Variants in SLC5A10 observed in about 807,000 individuals in gnomAD.
SLC5A10 encodes sodium/mannose cotransporter SLC5A10.
In SLC5A10, 55 loss-of-function variants were observed where a neutral mutation model predicts 68.9. The ratio of observed to expected loss-of-function variants is 0.80; its 90% confidence interval spans 0.64 to 1.00. SLC5A10 has a LOEUF of 1.00. Among genes scored for constraint, SLC5A10 ranks in the 50% least tolerant of loss-of-function variants. The pLI is 0.00. For synonymous variants in SLC5A10, 344 were observed against 344.8 expected (o/e 1.00, Z 0.02); for missense variants, 732 against 819.3 (o/e 0.89, Z 1.30).
At chr17:18,965,488 C>T (rs1292443315) in intron 5 of SLC5A10, among the ~76,000 whole-genome samples, 2 of 152,232 alleles carry the variant, frequency 1.3e-5, no homozygotes, top group African/African-American at 2.4e-5. Context: ...GGGCCCAGGC[C>T]GGGCAGCCAG....
In SLC5A10 at chr17:19,003,388, C is replaced by T; in HGVS notation, c.983-10022C>T. On this transcript the variant is annotated intron_variant, in intron 9 of 14. Transcript: ENST00000395645. The surrounding 1 kb of genome is among the most constrained non-coding windows in gnomAD (Gnocchi z 4.5). ...GGGGAGGAAACCTCCACCCAAGAGG[C>T]AGCCAGGGAAAACAGCAGAGATCCC... The T allele has an allele frequency of 1.0e-6, 1 of 997,424 alleles. No individual in the cohort carries two copies. Among genetic ancestry groups the T allele is most frequent in the Non-Finnish European group, 1.3e-6 (1 of 742,262 alleles). The allele number at this position is 997,424 out of a possible 1,614,324, so 61.8% of individuals were successfully genotyped here.
Position 18,977,004 on chromosome 17 carries a change from G to A in SLC5A10, c.982+15G>A, listed in dbSNP as rs374026119. On this transcript the variant is annotated intron_variant, in intron 9 of 14. Transcript: ENST00000395645. ...ATTGTTCCCAGGTAGGACGGGCTCC[G>A]GGCACTGAACCCAGGCTGCAGGGCA... is the stretch of plus-strand genomic sequence containing the variant. The A allele has an allele frequency of 8.3e-5, 134 of 1,610,312 alleles. 1 individual carries two copies. Among genetic ancestry groups the A allele is most frequent in the Admixed American group, 3.2e-4 (19 of 59,992 alleles).
At chr17:19,012,625 C>T (rs1011423646) in intron 9 of SLC5A10, among the ~76,000 whole-genome samples, 1 of 152,114 alleles carries the variant, frequency 6.6e-6, no homozygotes, top group East Asian at 1.9e-4. Context: ...AGTCCTCAGG[C>T]GAGGCCTGGG....
intron 9 of SLC5A10, among the ~76,000 whole-genome samples, chr17:18,985,654 G>C (rs1444833986): frequency 6.6e-6 from 1 of 152,222 alleles, no homozygotes; most frequent in Non-Finnish European, 1.5e-5. Context: ...CTGGCCACCC[G>C]CCCAGGGCTG....
At chr17:19,020,116 T>G in intron 13 of SLC5A10, 39 bp from the exon 14 acceptor site, 14 of 453,650 alleles carry the variant, frequency 3.1e-5, no homozygotes, top group Non-Finnish European at 5.4e-5. Flanking sequence ...CACCCTGCCA[T>G]CCCCCACCCC....
chr17:18,961,511 G>A (rs1339601176), intron 5 of SLC5A10, among the ~76,000 whole-genome samples: 2 of 152,204 alleles, frequency 1.3e-5, no homozygotes, highest in Non-Finnish European at 2.9e-5. Context: ...ACCACCGTGT[G>A]AGGGCTGCTG....
intron 9 of SLC5A10, among the ~76,000 whole-genome samples, chr17:19,007,644 TTATA>T (rs1168075174): frequency 6.6e-6 from 1 of 152,192 alleles, no homozygotes; most frequent in Admixed American, 6.5e-5. Flanking sequence ...CAAAAGTTCT[TTATA>T]TATTCTAGCT....
intron 5 of SLC5A10, among the ~76,000 whole-genome samples, chr17:18,963,125 A>G (rs1198948457): frequency 1.3e-5 from 2 of 152,222 alleles, no homozygotes; most frequent in Non-Finnish European, 2.9e-5. Flanking sequence ...AGGCAGGAGA[A>G]TTACTTGAAC....
In SLC5A10 at chr17:19,019,405, C is replaced by T; in HGVS notation, c.1242-18C>T. 1 of 1,602,174 alleles carries T rather than the reference C, an allele frequency of 6.2e-7. No homozygotes were observed. Among genetic ancestry groups the T allele is most frequent in the Non-Finnish European group, 8.5e-7 (1 of 1,175,686 alleles). ...AGCCTCCCACGACGACCGCTGCCTGCCTTCCACTCGCCTGCAGGCTGGTCA... is the reference window on the plus strand; with the variant it reads ...AGCCTCCCACGACGACCGCTGCCTGTCTTCCACTCGCCTGCAGGCTGGTCA... On this transcript the variant is annotated intron_variant, in intron 11 of 14. Coordinates refer to ENST00000395645, the MANE Select transcript of SLC5A10 (RefSeq NM_001042450.4).
intron 9 of SLC5A10, among the ~76,000 whole-genome samples, chr17:18,989,920 A>G (rs2043370010): frequency 2.0e-5 from 3 of 152,184 alleles, no homozygotes; most frequent in South Asian, 2.1e-4. Flanking sequence ...TTGGACGTTT[A>G]GTCTCGGAGA....
intron 9 of SLC5A10, among the ~76,000 whole-genome samples, chr17:18,984,607 G>A (rs1054569875): frequency 6.6e-6 from 1 of 152,218 alleles, no homozygotes; most frequent in African/African-American, 2.4e-5. Flanking sequence ...GGGGCTGCTG[G>A]TATTTCCAGT....
At chr17:19,006,296 A>G (rs1421968162) in intron 9 of SLC5A10, among the ~76,000 whole-genome samples, 1 of 152,108 alleles carries the variant, frequency 6.6e-6, no homozygotes, top group African/African-American at 2.4e-5. Context: ...GGTATGTACA[A>G]TCATTGCTCA....
chr17:18,977,579 C>T, intron 9 of SLC5A10: 1 of 1,606,124 alleles, frequency 6.2e-7, no homozygotes, highest in Non-Finnish European at 8.5e-7. Flanking sequence ...GGGACCCTGA[C>T]CCACCTGTGC....
At chr17:19,007,653 C>T (rs774314219) in intron 9 of SLC5A10, among the ~76,000 whole-genome samples, 13 of 152,212 alleles carry the variant, frequency 8.5e-5, no homozygotes, top group Non-Finnish European at 1.3e-4. Flanking sequence ...TTTATATATT[C>T]TAGCTACAGG....
chr17:19,015,317 G>A (rs1182639596), intron 11 of SLC5A10, 118 bp downstream of exon 11: 7 of 689,836 alleles, frequency 1.0e-5, no homozygotes, highest in Non-Finnish European at 1.2e-5. Flanking sequence ...CCAGGAAGGA[G>A]GGAAGAGAAG....
intron 9 of SLC5A10, chr17:18,977,849 G>C (rs747816872): frequency 4.3e-6 from 7 of 1,610,988 alleles, no homozygotes; most frequent in Non-Finnish European, 5.9e-6. Context: ...GGGCCGTCGG[G>C]GGCCAGGGCC....
chr17:18,959,692 G>A (rs1412725674), intron 4 of SLC5A10, 29 bp downstream of exon 4: 1 of 1,612,278 alleles, frequency 6.2e-7, no homozygotes, highest in Admixed American at 1.7e-5. Flanking sequence ...CCTCCAGCTG[G>A]GGGGCTGGGC....
At chr17:19,020,127 C>CCCCCCA in intron 13 of SLC5A10, 28 bp from the exon 14 acceptor site, 1 of 1,604,662 alleles carries the variant, frequency 6.2e-7, no homozygotes, top group Non-Finnish European at 8.5e-7. Context: ...CCCCCACCCC[C>CCCCCCA]AACCCTATCC....
rs190708629 is a variant in SLC5A10, at chr17:19,005,581, T to C, written c.983-7829T>C. On this transcript the variant is annotated intron_variant, in intron 9 of 14. Transcript: ENST00000395645. ...TACTTGCTCTGGATCTGGATGGGGC[T>C]GGTTTGGGTCCCGTAAGGATGCTGC... Among the ~76,000 whole-genome samples, 43 of 152,250 alleles carry C rather than the reference T, an allele frequency of 2.8e-4. No homozygotes were observed. In the East Asian group the frequency reaches 8.3e-3, roughly 29 times the overall value.
Sources: allele counts gnomAD v4.1 joint callset (sites outside exome capture counted in the v4.1 genomes callset), GRCh38; gene constraint gnomAD v4.1.1; non-coding constraint Gnocchi (gnomAD v3.1); transcripts MANE v1.5; gene names NCBI Gene and HGNC (gene_info 2026-07-23, HGNC 2026-07-21).